Variants in GLI1 observed in about 807,000 individuals in gnomAD.
GLI1 encodes the protein GLI family zinc finger 1.
In GLI1, 51 loss-of-function variants were observed where a neutral mutation model predicts 87.8. The ratio of observed to expected loss-of-function variants is 0.58; its 90% CI spans 0.46 to 0.73. The LOEUF is 0.73. Among genes scored for constraint, GLI1 ranks in the 30% least tolerant of loss-of-function variants. GLI1 has a pLI of 0.00. For synonymous variants in GLI1, 528 were observed against 558.2 expected (o/e 0.95, Z 0.76); for missense variants, 1,292 against 1,437.2 (o/e 0.90, Z 1.63).
rs780874033 is a variant in GLI1 at position 57,464,033 on chromosome 12, C to A, written c.135C>A (p.Asn45Lys). The A allele has an allele frequency of 1.9e-5, 31 of 1,613,936 alleles. No homozygotes were observed. Among genetic ancestry groups the A allele is most frequent in the African/African-American group, 8.0e-5 (6 of 74,932 alleles). Residue 45 changes from asparagine (N) to lysine (K), a missense_variant, in exon 3 of 12, where the codon AAC becomes AAA. Coordinates refer to ENST00000228682, the MANE Select transcript of GLI1 (RefSeq NM_005269.3). ...LSGPPFCHQA[N>K]LMSGPHSYGP... ...GCCCGCCCTTCTGCCACCAAGCTAA[C>A]CTCATGTCCGGCCCCCACAGTTATG... is the stretch of plus-strand genomic sequence containing the variant.
At position 57,463,765 on chromosome 12, in the gene GLI1, AGGGGGCCCCCAGTGT is replaced by A. The variant is rs754712240; in HGVS notation, c.79_93del (p.Ala27_Gly31del). The A allele has an allele frequency of 8.1e-6, 13 of 1,605,742 alleles. 1 individual carries two copies. Among genetic ancestry groups the A allele is most frequent in the Non-Finnish European group, 1.1e-5 (13 of 1,175,536 alleles). ...TGCTGTCTCCGGCCCCTCCCCAGTC[AGGGGGCCCCCAGTGT>A]GGGGACAGAAGGTCAGTGTATATAC... On this transcript the variant is annotated inframe_deletion, in exon 2 of 12. Coordinates refer to ENST00000228682, the MANE Select transcript of GLI1 (RefSeq NM_005269.3).
Position 57,471,203 on chromosome 12 carries a change from A to C in GLI1, c.2463A>C (p.Pro821=), listed in dbSNP as rs776521977. 1.2e-6 allele frequency: 2 copies of C among 1,600,392 alleles called. No homozygotes were observed. Among genetic ancestry groups the C allele is most frequent in the African/African-American group, 2.7e-5 (2 of 74,582 alleles). Reference sequence around the variant, plus strand: ...AAGTCAAGCCAGAACAGGGGTGCCCAGTGGGGTCTGACTCCACAGGACTGG... The same window carrying C: ...AAGTCAAGCCAGAACAGGGGTGCCCCGTGGGGTCTGACTCCACAGGACTGG... ...QVQVKPEQGC[P]VGSDSTGLAP... Residue 821 remains proline, a synonymous_variant, in exon 12 of 12, where the codon CCA becomes CCC. Coordinates refer to ENST00000228682, the MANE Select transcript of GLI1 (RefSeq NM_005269.3). The surrounding 1 kb of genome is among the most constrained non-coding windows in gnomAD (Gnocchi z 4.9).
At chr12:57,461,246 G>C (rs1169707686) in intron 1 of GLI1, among the ~76,000 whole-genome samples, 1 of 152,170 alleles carries the variant, frequency 6.6e-6, no homozygotes, top group Non-Finnish European at 1.5e-5. Flanking sequence ...CCAGTAGAGG[G>C]AGAAGGCGGG....
Position 57,465,840 on chromosome 12 carries a change from A to T in GLI1, c.677A>T (p.Lys226Met). ...DGREDLEREEKREPESVYETD... is the reference protein window; with the variant it reads ...DGREDLEREEMREPESVYETD... ...CGGGAGGACCTCGAGAGAGAGGAGA[A>T]GCGTGAGCCTGAATCTGTGTATGAA... is the stretch of plus-strand genomic sequence containing the variant. Residue 226 changes from lysine (K) to methionine (M), a missense_variant, in exon 7 of 12, where the codon AAG becomes ATG. Around this residue, in one of 3 missense-constraint regions of GLI1, gnomAD observed 383 missense variants for 368.4 expected, o/e 1.04. Coordinates refer to ENST00000228682, the MANE Select transcript of GLI1 (RefSeq NM_005269.3). The T allele has an allele frequency of 6.2e-7, 1 of 1,614,144 alleles. No individual in the cohort carries two copies. Among genetic ancestry groups the T allele is most frequent in the East Asian group, 2.2e-5 (1 of 44,890 alleles).
Position 57,463,792 on chromosome 12 carries a change from G to C in GLI1, c.100+1G>C, listed in dbSNP as rs1315551588. On this transcript the variant is annotated splice_donor_variant, in intron 2 of 11. Transcript: ENST00000228682. LOFTEE classifies it high-confidence loss of function. Reference sequence around the variant, plus strand: ...GGGGCCCCCAGTGTGGGGACAGAAGGTCAGTGTATATACCAATCCCTGGGC... The same window carrying C: ...GGGGCCCCCAGTGTGGGGACAGAAGCTCAGTGTATATACCAATCCCTGGGC... The C allele has an allele frequency of 6.4e-7, 1 of 1,556,956 alleles. No homozygotes were observed. The highest frequency in any genetic ancestry group is 1.1e-5 in the South Asian group (1 of 89,790).
At chr12:57,467,226 A>G in intron 8 of GLI1, 107 bp from the exon 9 acceptor site, 1 of 943,908 alleles carries the variant, frequency 1.1e-6, no homozygotes, top group Non-Finnish European at 1.6e-6. Context: ...AGTGCCTTTC[A>G]TCTTGAGTTA....
chr12:57,461,590 C>T (rs953128585), intron 1 of GLI1, among the ~76,000 whole-genome samples: 20 of 152,248 alleles, frequency 1.3e-4, no homozygotes, highest in African/African-American at 4.8e-4. Context: ...CCCCCCTGGG[C>T]GCCACTGCCT....
At chr12:57,464,600 C>G in intron 3 of GLI1, 73 bp from the exon 4 acceptor site, 1 of 1,069,198 alleles carries the variant, frequency 9.4e-7, no homozygotes, top group East Asian at 2.4e-5. Flanking sequence ...TTTGCCAAGT[C>G]AGGACCCATA....
chr12:57,467,426 G>A lies in GLI1; in HGVS notation c.1006G>A (p.Glu336Lys), dbSNP rs913242901. 7 of 1,612,814 alleles carry A rather than the reference G, an allele frequency of 4.3e-6. No homozygotes were observed. The highest frequency in any genetic ancestry group is 2.2e-5 in the East Asian group (1 of 44,832). ...TGEKPYMCEHEGCSKAFSNAS... is the reference protein window; with the variant it reads ...TGEKPYMCEHKGCSKAFSNAS... ...TGAGAAGCCATACATGTGTGAGCAC[G>A]AGGGCTGCAGTAAAGCCTTCAGCAA... Residue 336 changes from glutamate (E) to lysine (K), a missense_variant, in exon 9 of 12, where the codon GAG (glutamate) becomes AAG (lysine). Glu to Lys is a moderately conservative substitution (Grantham distance 56). Transcript: ENST00000228682.
rs1871804795 is a variant in GLI1 at position 57,470,449 on chromosome 12, C to T, written c.1709C>T (p.Pro570Leu). The change falls in exon 12 of 12, where the codon CCA becomes CTA. Residue 570 changes from proline (P) to leucine (L), a missense_variant. Pro to Leu is a moderately conservative substitution (Grantham distance 98, BLOSUM62 -3). This residue lies in a region of GLI1 where 897 missense variants were observed against 1,040.7 expected (regional missense o/e 0.86). Coordinates refer to ENST00000228682, the MANE Select transcript of GLI1 (RefSeq NM_005269.3). ...SLASPFPPGSPPENGASSLPG... is the reference protein window; with the variant it reads ...SLASPFPPGSLPENGASSLPG... Reference sequence around the variant, plus strand: ...GCCTCTCCTTTCCCCCCTGGCTCCCCACCAGAGAATGGAGCATCCTCCCTG... The same window carrying T: ...GCCTCTCCTTTCCCCCCTGGCTCCCTACCAGAGAATGGAGCATCCTCCCTG... 6.2e-7 allele frequency: 1 copy of T among 1,614,070 alleles called. No individual in the cohort carries two copies. The highest frequency in any genetic ancestry group is 1.3e-5 in the African/African-American group (1 of 74,944).
At chr12:57,460,938 G>T (rs1397064043) in intron 1 of GLI1, among the ~76,000 whole-genome samples, 4 of 152,126 alleles carry the variant, frequency 2.6e-5, no homozygotes, top group African/African-American at 9.7e-5. Flanking sequence ...GGAGCCAGCC[G>T]CAGGGAGACC....
intron 1 of GLI1, among the ~76,000 whole-genome samples, chr12:57,463,172 C>G (rs938208056): frequency 6.6e-6 from 1 of 152,184 alleles, no homozygotes; most frequent in East Asian, 1.9e-4. Flanking sequence ...CTGCCTCTGC[C>G]TCTCTGGGAC....
chr12:57,463,896 C>T, intron 2 of GLI1, 103 bp from the exon 3 acceptor site: 1 of 1,098,228 alleles, frequency 9.1e-7, no homozygotes, highest in Non-Finnish European at 1.4e-6. Context: ...GATTTGAGGC[C>T]CCATGTCATA....
intron 11 of GLI1, 27 bp from the exon 12 acceptor site, chr12:57,470,290 C>T (rs1367875579): frequency 6.6e-7 from 1 of 1,517,738 alleles, no homozygotes. Flanking sequence ...CCTTGACCAT[C>T]CTACCTTTTC....
intron 4 of GLI1, 79 bp downstream of exon 4, chr12:57,464,947 A>G: frequency 7.8e-7 from 1 of 1,274,360 alleles, no homozygotes; most frequent in Non-Finnish European, 1.1e-6. Context: ...CAAACTACCT[A>G]ACCCTATTTG....
At position 57,464,048 on chromosome 12, in the gene GLI1, C is replaced by CT; in HGVS notation, c.150_151insT (p.His51SerfsTer108). On this transcript the variant is annotated frameshift_variant, in exon 3 of 12. Transcript: ENST00000228682. LOFTEE classifies it high-confidence loss of function. ...ACCAAGCTAACCTCATGTCCGGCCC[C>CT]CACAGTTATGGGCCAGCCAGAGAGA... 6.2e-7 allele frequency: 1 copy of CT among 1,613,996 alleles called. No homozygotes were observed. The highest frequency in any genetic ancestry group is 8.5e-7 in the Non-Finnish European group (1 of 1,179,834).
At position 57,464,685 on chromosome 12, in the gene GLI1, C is replaced by T. The variant is rs763536538; in HGVS notation, c.206C>T (p.Ser69Phe). 3 of 1,613,858 alleles carry T rather than the reference C, an allele frequency of 1.9e-6. No individual in the cohort carries two copies. Among genetic ancestry groups the T allele is most frequent in the Non-Finnish European group, 2.5e-6 (3 of 1,179,780 alleles). ...TCTCCTGCCCCAGGCCCACTCTTTT[C>T]TTCTCCCCGGAGTGCAGTCAAGTTG... ...TNSCTEGPLFSSPRSAVKLTK... is the reference protein window; with the variant it reads ...TNSCTEGPLFFSPRSAVKLTK... The change falls in exon 4 of 12, where the codon TCT becomes TTT. Residue 69 changes from serine (S) to phenylalanine (F), a missense_variant. Ser to Phe is a radical substitution (Grantham distance 155). This residue lies in a region of GLI1 where 383 missense variants were observed against 368.4 expected (regional missense o/e 1.04). Coordinates refer to ENST00000228682, the MANE Select transcript of GLI1 (RefSeq NM_005269.3).
At position 57,465,931 on chromosome 12, in the gene GLI1, C is replaced by A; in HGVS notation, c.762+6C>A. 3.1e-6 allele frequency: 5 copies of A among 1,612,502 alleles called. No individual in the cohort carries two copies. Among genetic ancestry groups the A allele is most frequent in the Non-Finnish European group, 4.2e-6 (5 of 1,178,660 alleles). On this transcript the variant is annotated splice_donor_region_variant and intron_variant, in intron 7 of 11. Coordinates refer to ENST00000228682, the MANE Select transcript of GLI1 (RefSeq NM_005269.3). Reference sequence around the variant, plus strand: ...CCCAAGAGCAGCTGGTGCACGTGAGCCCCAGGGGGTAACAGGAATGGCTAG... The same window carrying A: ...CCCAAGAGCAGCTGGTGCACGTGAGACCCAGGGGGTAACAGGAATGGCTAG...
At chr12:57,461,837 C>T (rs998106726) in intron 1 of GLI1, among the ~76,000 whole-genome samples, 3 of 152,158 alleles carry the variant, frequency 2.0e-5, no homozygotes, top group African/African-American at 7.2e-5. Flanking sequence ...GCGAGGGGGA[C>T]GCTGGAAAAC....
Sources: gnomAD v4.1 joint callset for allele counts (sites outside exome capture counted in the v4.1 genomes callset) on GRCh38, gnomAD v4.1.1 for gene constraint, gnomAD v4.1.1 regional missense constraint, Gnocchi (gnomAD v3.1) non-coding constraint, MANE v1.5 for transcripts, NCBI Gene and HGNC (gene_info 2026-07-23, HGNC 2026-07-21) for gene names.